NCOA1: variants seen among roughly 807,000 people sequenced by gnomAD.
The protein encoded by NCOA1 is Hin-2 protein.
A neutral mutation model predicts 150.9 loss-of-function variants in NCOA1; 35 were observed. The ratio of observed to expected loss-of-function variants is 0.23; its 90% CI spans 0.18 to 0.31. The LOEUF is 0.31. Among genes scored for constraint, NCOA1 ranks in the 10% least tolerant of loss-of-function variants. The pLI, the probability that NCOA1 is intolerant of heterozygous loss-of-function variation, is 1.00. For synonymous variants in NCOA1, 590 were observed against 630.0 expected, an observed-to-expected ratio of 0.94 and a Z score of 0.95; for missense variants, 1,491 against 1,749.3, an observed-to-expected ratio of 0.85 and a Z score of 2.63.
chr2:24,668,772 A>T (rs976951849), intron 6 of NCOA1, among the ~76,000 whole-genome samples: 2 of 150,266 alleles, frequency 1.3e-5, no homozygotes, highest in African/African-American at 4.9e-5. Context: ...GAGCAGGTGG[A>T]TAGAGGACTC....
chr2:24,652,692 G>A (rs1212280027), intron 4 of NCOA1, among the ~76,000 whole-genome samples: 2 of 152,032 alleles, frequency 1.3e-5, no homozygotes, highest in African/African-American at 2.4e-5. Context: ...AGAGATAAAT[G>A]TAGTTTCTAG....
At chr2:24,569,552 ATTTTT>A (rs200639064) in intron 2 of NCOA1, among the ~76,000 whole-genome samples, 18 of 93,802 alleles carry the variant, frequency 1.9e-4, no homozygotes, top group African/African-American at 5.2e-4. Context: ...GGTTTTATTA[ATTTTT>A]TTTTTTTTTT....
intron 1 of NCOA1, among the ~76,000 whole-genome samples, chr2:24,524,275 A>G (rs769645806): frequency 7.2e-5 from 11 of 152,020 alleles, no homozygotes; most frequent in Non-Finnish European, 1.5e-4. Flanking sequence ...TATTTTACTT[A>G]CTTTTTTACT....
intron 7 of NCOA1, among the ~76,000 whole-genome samples, chr2:24,681,161 T>G (rs753689775): frequency 6.6e-6 from 1 of 150,754 alleles, no homozygotes; most frequent in Non-Finnish European, 1.5e-5. Flanking sequence ...GTCAGGAGTT[T>G]AAGACCAACC....
At chr2:24,732,350 T>C (rs979107256) in intron 17 of NCOA1, among the ~76,000 whole-genome samples, 1 of 152,196 alleles carries the variant, frequency 6.6e-6, no homozygotes, top group African/African-American at 2.4e-5. Context: ...GCTCACCATG[T>C]TATAAGCCCC....
intron 3 of NCOA1, among the ~76,000 whole-genome samples, chr2:24,588,007 T>C (rs1354351478): frequency 6.6e-6 from 1 of 152,192 alleles, no homozygotes; most frequent in Non-Finnish European, 1.5e-5. Context: ...TCTTACCCAC[T>C]GAGCATCATG....
intron 3 of NCOA1, among the ~76,000 whole-genome samples, chr2:24,630,657 T>C (rs1669666638): frequency 6.6e-6 from 1 of 152,226 alleles, no homozygotes; most frequent in Non-Finnish European, 1.5e-5. Flanking sequence ...AATGCAGTTA[T>C]GTCTTCTAAC....
chr2:24,569,552 A>ATTTTTTTT lies in NCOA1; in HGVS notation c.-260+5142_-260+5149dup, dbSNP rs200639064. Among the ~76,000 whole-genome samples the ATTTTTTTT allele has an allele frequency of 7.8e-4, 73 of 93,784 alleles. 3 individuals carry two copies. Among genetic ancestry groups the ATTTTTTTT allele is most frequent in the East Asian group, 1.2e-3 (4 of 3,276 alleles). The allele number at this position is 93,784 out of a possible 152,430, so 61.5% of individuals were successfully genotyped here. On this transcript the variant is annotated intron_variant, in intron 2 of 22. Transcript: ENST00000348332. ...ATCCTCAAACTTGTTGGTTTTATTA[A>ATTTTTTTT]TTTTTTTTTTTTTTTTTTTTTTTTT...
intron 1 of NCOA1, among the ~76,000 whole-genome samples, chr2:24,553,497 C>T (rs371990524): frequency 2.0e-5 from 3 of 152,134 alleles, no homozygotes; most frequent in South Asian, 4.1e-4. Context: ...GGATTACAGG[C>T]GTGAGCCACT....
In NCOA1 at chr2:24,752,599, A is replaced by G. The variant is rs56411735; in HGVS notation, c.3881+443A>G. Among the ~76,000 whole-genome samples, 86 of 152,318 alleles carry G rather than the reference A, an allele frequency of 5.6e-4. 1 individual carries two copies. The highest frequency in any genetic ancestry group is 1.9e-3 in the African/African-American group (81 of 41,566). On this transcript the variant is annotated intron_variant, in intron 20 of 22. Transcript: ENST00000348332. Reference sequence around the variant, plus strand: ...CACCTGCAGAATATGATGAGCTCACATCAGTAACAGAGCTTCCCTGGGACA... The same window carrying G: ...CACCTGCAGAATATGATGAGCTCACGTCAGTAACAGAGCTTCCCTGGGACA...
In NCOA1 at chr2:24,707,406, C is replaced by T. The variant is rs754506573; in HGVS notation, c.1936C>T (p.Arg646Trp). The change falls in exon 13 of 23, where the codon CGG becomes TGG. Residue 646 changes from arginine (R) to tryptophan (W), a missense_variant. By Grantham distance (101) the Arg-to-Trp change is moderately radical (BLOSUM62 -3). This residue lies in a region of NCOA1 where 703 missense variants were observed against 717.7 expected (regional missense o/e 0.98). Transcript: ENST00000348332. ...LLTTTAEQQL[R>W]HADIDTSCKD... Reference sequence around the variant, plus strand: ...GACAACAACTGCCGAACAGCAGTTACGGCATGCTGATATAGACACAAGCTG... The same window carrying T: ...GACAACAACTGCCGAACAGCAGTTATGGCATGCTGATATAGACACAAGCTG... 7 of 1,614,062 alleles carry T rather than the reference C, an allele frequency of 4.3e-6. No individual in the cohort carries two copies. Among genetic ancestry groups the T allele is most frequent in the African/African-American group, 1.3e-5 (1 of 74,924 alleles).
intron 14 of NCOA1, among the ~76,000 whole-genome samples, chr2:24,720,607 A>T (rs998210717): frequency 6.6e-6 from 1 of 152,212 alleles, no homozygotes; most frequent in Non-Finnish European, 1.5e-5. Flanking sequence ...CCAGTCTACA[A>T]TGTGTAGATA....
chr2:24,666,175 C>A (rs987427632), intron 6 of NCOA1, among the ~76,000 whole-genome samples: 2 of 151,662 alleles, frequency 1.3e-5, no homozygotes, highest in Non-Finnish European at 2.9e-5. Flanking sequence ...CTATACCTGG[C>A]TGATCTTTTT....
At chr2:24,669,051 AG>A (rs1671569764) in intron 6 of NCOA1, among the ~76,000 whole-genome samples, 1 of 152,178 alleles carries the variant, frequency 6.6e-6, no homozygotes, top group South Asian at 2.1e-4. Flanking sequence ...AAAGTAAGAG[AG>A]GAGGGGTAAT....
At chr2:24,547,728 C>A (rs548142419) in intron 1 of NCOA1, among the ~76,000 whole-genome samples, 1 of 151,020 alleles carries the variant, frequency 6.6e-6, no homozygotes, top group African/African-American at 2.4e-5. Flanking sequence ...ATGGCTCATG[C>A]CTGTAATCCC....
chr2:24,741,790 C>T lies in NCOA1; in HGVS notation c.3310C>T (p.Leu1104=), dbSNP rs948213447. 6 of 1,612,146 alleles carry T rather than the reference C, an allele frequency of 3.7e-6. No homozygotes were observed. Among genetic ancestry groups the T allele is most frequent in the Non-Finnish European group, 5.1e-6 (6 of 1,178,840 alleles). ...GTTTTTTCCTGCTTTTCAGCCACCC[C>T]TGAATGCTCAAATGTTGGCACAACG... ...MQQQITPQPP[L]NAQMLAQRQR... is the part of the protein sequence containing the mutation. Residue 1104 remains leucine, a synonymous_variant, in exon 19 of 23, where the codon CTG becomes TTG. Transcript: ENST00000348332.
At chr2:24,690,369 C>A (rs1215744728) in intron 8 of NCOA1, among the ~76,000 whole-genome samples, 1 of 151,868 alleles carries the variant, frequency 6.6e-6, no homozygotes, top group African/African-American at 2.4e-5. Flanking sequence ...AAAAAAGCAG[C>A]CTTGGCCAGG....
At chr2:24,745,885 A>G (rs1663890840) in intron 19 of NCOA1, among the ~76,000 whole-genome samples, 3 of 152,172 alleles carry the variant, frequency 2.0e-5, no homozygotes, top group Admixed American at 2.0e-4. Context: ...GGCTTTGAAC[A>G]TTGTCTATAC....
chr2:24,532,158 G>A (rs1664928194), intron 1 of NCOA1, among the ~76,000 whole-genome samples: 1 of 152,198 alleles, frequency 6.6e-6, no homozygotes, highest in African/African-American at 2.4e-5. Flanking sequence ...TCTAACTGGT[G>A]TGAGATGGTA....
Sources: gnomAD v4.1 joint callset for allele counts (sites outside exome capture counted in the v4.1 genomes callset) on GRCh38, gnomAD v4.1.1 for gene constraint, gnomAD v4.1.1 regional missense constraint, MANE v1.5 for transcripts, NCBI Gene and HGNC (gene_info 2026-07-23, HGNC 2026-07-21) for gene names.